The following ITGA9 variants were observed in gnomAD, a reference collection of about 807,000 sequenced individuals.
The protein encoded by ITGA9 is integrin alpha-9.
Under a neutral mutation model 127.8 loss-of-function variants are expected in ITGA9, and 56 were observed. That is an observed-to-expected ratio of 0.44 (90% CI 0.35 to 0.55). The LOEUF is 0.55. Among genes scored for constraint, ITGA9 ranks in the 20% least tolerant of loss-of-function variants. The pLI is 0.00. For synonymous variants in ITGA9, 508 were observed against 514.5 expected (o/e 0.99, Z 0.17); for missense variants, 1,196 against 1,347.1 (o/e 0.89, Z 1.76).
At chr3:37,740,346 G>T (rs769253799) in intron 20 of ITGA9, among the ~76,000 whole-genome samples, 2 of 152,162 alleles carry the variant, frequency 1.3e-5, no homozygotes, top group Non-Finnish European at 2.9e-5. Context: ...AACTGTGAAT[G>T]TAGGTTCAAG....
At position 37,681,223 on chromosome 3, in the gene ITGA9, A is replaced by G. The variant is rs144635064; in HGVS notation, c.1917-2642A>G. On this transcript the variant is annotated intron_variant, in intron 17 of 27. Transcript: ENST00000264741. ...GTTAATTTAAGCAGAAAAGGAATTT[A>G]TTAAAAGGATGTGGGGTGGTTCAGA... 1.0e-2 allele frequency among the ~76,000 whole-genome samples: 1,517 copies of G among 152,340 alleles called. 20 individuals carry two copies. The highest frequency in any genetic ancestry group is 0.013 in the Non-Finnish European group (903 of 68,020).
chr3:37,756,827 C>G (rs571751804), intron 23 of ITGA9, among the ~76,000 whole-genome samples: 51 of 152,216 alleles, frequency 3.4e-4, no homozygotes, highest in Admixed American at 3.0e-3. Context: ...GACCACAATG[C>G]AATAAACTTG....
At chr3:37,742,972 A>G (rs1696456384) in intron 21 of ITGA9, among the ~76,000 whole-genome samples, 1 of 152,212 alleles carries the variant, frequency 6.6e-6, no homozygotes, top group Non-Finnish European at 1.5e-5. Flanking sequence ...ACCAAGCCCT[A>G]TCCTTGGGGA....
At chr3:37,804,379 C>T (rs1386304285) in intron 27 of ITGA9, among the ~76,000 whole-genome samples, 1 of 152,218 alleles carries the variant, frequency 6.6e-6, no homozygotes, top group Non-Finnish European at 1.5e-5. Flanking sequence ...AGATGGGCTA[C>T]AGTCCAGAGT....
chr3:37,524,774 T>C (rs1381902481), intron 12 of ITGA9, among the ~76,000 whole-genome samples: 9 of 152,226 alleles, frequency 5.9e-5, no homozygotes. Flanking sequence ...CGGGGATCCA[T>C]GCTTCCCAGT....
chr3:37,776,073 A>T (rs1199159147), intron 23 of ITGA9, among the ~76,000 whole-genome samples: 2 of 152,238 alleles, frequency 1.3e-5, no homozygotes, highest in East Asian at 1.9e-4. Flanking sequence ...TAGCAAACTA[A>T]CACAGGAACA....
chr3:37,516,668 G>C (rs1698986782), intron 9 of ITGA9, among the ~76,000 whole-genome samples: 1 of 152,146 alleles, frequency 6.6e-6, no homozygotes, highest in African/African-American at 2.4e-5. Context: ...TGAAAAAGAA[G>C]ACTTGGTCAT....
At position 37,653,790 on chromosome 3, in the gene ITGA9, G is replaced by A; in HGVS notation, c.1916G>A (p.Ser639Asn). ...CTTCAGGGTAAACTGCTGCTCTCCA[G>A]GTATGTCGGTGTTTCCTTCAGAGCA... ...LQLQGKLLLS[S>N]MDEKTLYLAL... Residue 639 changes from serine (S) to asparagine (N), a missense_variant and splice_region_variant, in exon 17 of 28, where the codon AGT becomes AAT. By Grantham distance (46) the Ser-to-Asn change is conservative. Transcript: ENST00000264741. 6.2e-7 allele frequency: 1 copy of A among 1,611,074 alleles called. No homozygotes were observed.
At chr3:37,483,997 G>A (rs763364532) in intron 4 of ITGA9, among the ~76,000 whole-genome samples, 4 of 152,182 alleles carry the variant, frequency 2.6e-5, no homozygotes, top group Non-Finnish European at 5.9e-5. Context: ...AGAAGTAAAA[G>A]CCAGTCAACA....
intron 15 of ITGA9, among the ~76,000 whole-genome samples, chr3:37,602,170 A>G (rs943912144): frequency 2.6e-5 from 4 of 152,308 alleles, no homozygotes; most frequent in African/African-American, 9.6e-5. Flanking sequence ...GGCCAAACAA[A>G]TCATATTCAA....
At chr3:37,472,796 G>A (rs1698447161) in intron 2 of ITGA9, among the ~76,000 whole-genome samples, 1 of 152,106 alleles carries the variant, frequency 6.6e-6, no homozygotes, top group South Asian at 2.1e-4. Flanking sequence ...ACAAATTAAG[G>A]AGCTTACTTC....
intron 6 of ITGA9, 32 bp downstream of exon 6, chr3:37,503,339 G>A: frequency 1.2e-6 from 2 of 1,611,574 alleles, no homozygotes; most frequent in East Asian, 2.2e-5. Flanking sequence ...AGGTAAGAAA[G>A]GGGAAATGGG....
intron 16 of ITGA9, among the ~76,000 whole-genome samples, chr3:37,641,585 C>T (rs926987513): frequency 2.6e-5 from 4 of 152,146 alleles, no homozygotes; most frequent in Admixed American, 2.6e-4. Flanking sequence ...GCTGCCATTC[C>T]CTAGGCCAGG....
chr3:37,672,814 T>C (rs571195236), intron 17 of ITGA9, among the ~76,000 whole-genome samples: 2 of 152,038 alleles, frequency 1.3e-5, no homozygotes, highest in African/African-American at 4.8e-5. Context: ...CTAGAATAGA[T>C]TAAAATATAA....
At position 37,624,200 on chromosome 3, in the gene ITGA9, C is replaced by CTTT. The variant is rs58307041; in HGVS notation, c.1690-4966_1690-4964dup. Among the ~76,000 whole-genome samples the CTTT allele has an allele frequency of 3.5e-4, 30 of 85,758 alleles. 3 individuals are homozygous for CTTT. The highest frequency in any genetic ancestry group is 5.1e-4 in the Non-Finnish European group (24 of 47,450). The allele number at this position is 85,758 out of a possible 152,430, so 56.3% of individuals were successfully genotyped here. ...GGTTAGCTAAGGAAGAAAAAAAACC[C>CTTT]TTTTTTTTTTTTTTTTTTTTTTTAA... On this transcript the variant is annotated intron_variant, in intron 15 of 27. Transcript: ENST00000264741.
At chr3:37,651,449 ACT>A (rs1283972368) in intron 16 of ITGA9, among the ~76,000 whole-genome samples, 1 of 152,096 alleles carries the variant, frequency 6.6e-6, no homozygotes, top group African/African-American at 2.4e-5. Context: ...TTGAGTGGTC[ACT>A]CTGTCTCTCA....
chr3:37,753,493 G>A (rs1014086224), intron 23 of ITGA9, among the ~76,000 whole-genome samples: 1 of 152,196 alleles, frequency 6.6e-6, no homozygotes, highest in Non-Finnish European at 1.5e-5. Flanking sequence ...GAACATTCCA[G>A]ATAGAGGAAC....
rs1002609114 is a variant in ITGA9 at position 37,814,066 on chromosome 3, A to C, written c.3010-4825A>C. On this transcript the variant is annotated intron_variant, in intron 27 of 27. Transcript: ENST00000264741. The surrounding 1 kb of genome is among the most constrained non-coding windows in gnomAD (Gnocchi z 4.3). ...AAAATTTCTCAAAAATCTTTGAGAA[A>C]AATTGAGATGGGACAAAGACTCTGT... 5.9e-5 allele frequency among the ~76,000 whole-genome samples: 9 copies of C among 152,290 alleles called. No individual in the cohort carries two copies. The highest frequency in any genetic ancestry group is 1.3e-4 in the Non-Finnish European group (9 of 68,002).
intron 15 of ITGA9, among the ~76,000 whole-genome samples, chr3:37,628,137 G>T (rs1700193928): frequency 6.6e-6 from 1 of 152,160 alleles, no homozygotes; most frequent in Non-Finnish European, 1.5e-5. Flanking sequence ...TGCCCGCCCA[G>T]CTTCTCTTCT....
Sources: gnomAD v4.1 joint callset for allele counts (sites outside exome capture counted in the v4.1 genomes callset) on GRCh38, gnomAD v4.1.1 for gene constraint, Gnocchi (gnomAD v3.1) non-coding constraint, MANE v1.5 for transcripts, NCBI Gene and HGNC (gene_info 2026-07-23, HGNC 2026-07-21) for gene names.